The following NAV1 variants were observed in gnomAD, a reference collection of about 807,000 sequenced individuals.
NAV1 encodes pore membrane and/or filament interacting like protein 3.
A neutral mutation model predicts 175.2 loss-of-function variants in NAV1; 18 were observed. The observed-to-expected ratio is 0.10, with a 90% CI of 0.07 to 0.15. The LOEUF (loss-of-function observed/expected upper bound fraction) is 0.15. Among genes scored for constraint, NAV1 ranks in the 10% least tolerant of loss-of-function variants. The pLI is 1.00. For missense variants in NAV1, 1,731 were observed against 2,436.6 expected (o/e 0.71, Z 6.10); for synonymous variants, 897 against 978.7 (o/e 0.92, Z 1.56).
intron 2 of NAV1, among the ~76,000 whole-genome samples, chr1:201,613,170 G>T (rs1372755924): frequency 6.6e-6 from 1 of 152,056 alleles, no homozygotes; most frequent in Non-Finnish European, 1.5e-5. Flanking sequence ...GTACTCAGGA[G>T]TGCCTCAATT....
At chr1:201,797,069 C>G (rs1400099901) in intron 15 of NAV1, 1 of 152,108 alleles carries the variant, frequency 6.6e-6, no homozygotes, top group Non-Finnish European at 1.5e-5. Flanking sequence ...ATTGCCTAAT[C>G]CAGGGTCATG....
intron 2 of NAV1, among the ~76,000 whole-genome samples, chr1:201,597,860 G>T (rs1667401270): frequency 1.3e-5 from 2 of 152,222 alleles, no homozygotes; most frequent in African/African-American, 4.8e-5. Flanking sequence ...CCCCTGTGAG[G>T]TGTGCCATCT....
intron 1 of NAV1, among the ~76,000 whole-genome samples, chr1:201,579,047 C>T (rs576214905): frequency 6.6e-6 from 1 of 151,886 alleles, no homozygotes; most frequent in South Asian, 2.1e-4. Flanking sequence ...GCAGCAGAAT[C>T]GCTCGAACCT....
intron 2 of NAV1, among the ~76,000 whole-genome samples, chr1:201,596,490 T>C (rs907429769): frequency 6.6e-6 from 1 of 152,246 alleles, no homozygotes; most frequent in East Asian, 1.9e-4. Flanking sequence ...GCTCATGGGC[T>C]GGACTTTCAA....
intron 2 of NAV1, among the ~76,000 whole-genome samples, chr1:201,612,258 G>A (rs761345387): frequency 6.6e-6 from 1 of 152,068 alleles, no homozygotes; most frequent in South Asian, 2.1e-4. Flanking sequence ...AGACCAGCCT[G>A]GTCAATATAG....
chr1:201,591,658 C>T (rs11578716), intron 2 of NAV1, among the ~76,000 whole-genome samples: 12,211 of 152,212 alleles, frequency 0.08, 639 homozygotes, highest in East Asian at 0.23. Flanking sequence ...ATCGCTCCAC[C>T]CTGGGCCCCA....
intron 1 of NAV1, among the ~76,000 whole-genome samples, chr1:201,564,764 G>T (rs1249076912): frequency 1.3e-5 from 2 of 152,236 alleles, no homozygotes; most frequent in Non-Finnish European, 2.9e-5. Flanking sequence ...ATTCCAAAGT[G>T]TCAGCAGGGC....
rs748085015 is a variant in NAV1, at chr1:201,788,621, G to A, written c.3149G>A (p.Arg1050Gln). 41 of 1,612,992 alleles carry A rather than the reference G, an allele frequency of 2.5e-5. No homozygotes were observed. The highest frequency in any genetic ancestry group is 3.3e-5 in the Non-Finnish European group (39 of 1,179,514). ...GGAATGATTCGGTCAGGATCCTTCC[G>A]AGACCCCACGGACGATGGTGAGACT... The change falls in exon 10 of 30, where the codon CGA becomes CAA. Residue 1050 changes from arginine (R) to glutamine (Q), a missense_variant. By Grantham distance (43) the Arg-to-Gln change is conservative. This residue lies in a region of NAV1 where 85 missense variants were observed against 168.7 expected (regional missense o/e 0.50). Coordinates refer to ENST00000367296, the Ensembl canonical transcript of NAV1. This position sits in a 1 kb window ranked among gnomAD's most constrained non-coding sequence, Gnocchi z 5.7.
chr1:201,567,030 G>A (rs1278937108), intron 1 of NAV1, among the ~76,000 whole-genome samples: 1 of 152,084 alleles, frequency 6.6e-6, no homozygotes, highest in East Asian at 1.9e-4. Flanking sequence ...TCCTTAGGCG[G>A]TGTTTTGGAA....
chr1:201,707,075 G>A (rs1441985154), intron 1 of NAV1, among the ~76,000 whole-genome samples: 1 of 152,164 alleles, frequency 6.6e-6, no homozygotes, highest in Non-Finnish European at 1.5e-5. Context: ...CCTCACAGCA[G>A]TGAGAGAGTG....
chr1:201,682,285 CA>C (rs879936537), intron 1 of NAV1, among the ~76,000 whole-genome samples: 71 of 143,964 alleles, frequency 4.9e-4, no homozygotes, highest in Middle Eastern at 3.5e-3. Context: ...GACTCCATCT[CA>C]AAAAAAAAAA....
chr1:201,755,222 T>G (rs192037579), intron 3 of NAV1, among the ~76,000 whole-genome samples: 1 of 152,362 alleles, frequency 6.6e-6, no homozygotes, highest in African/African-American at 2.4e-5. Flanking sequence ...ATTTAAAAAC[T>G]TAAGATATTA....
At chr1:201,620,028 C>T (rs1668113445), upstream of NAV1, among the ~76,000 whole-genome samples, 1 of 152,186 alleles carries the variant, frequency 6.6e-6, no homozygotes, top group African/African-American at 2.4e-5. Context: ...TCATTTATTG[C>T]AGAGCAATCC....
At chr1:201,777,937 AAG>A (rs901589563) in intron 3 of NAV1, among the ~76,000 whole-genome samples, 3 of 151,788 alleles carry the variant, frequency 2.0e-5, no homozygotes, top group African/African-American at 7.2e-5. Flanking sequence ...GAAAGAAAGA[AAG>A]AGAGAGAGAG....
chr1:201,645,304 A>AAAAACC (rs1274351459), upstream of NAV1, among the ~76,000 whole-genome samples: 1 of 151,026 alleles, frequency 6.6e-6, no homozygotes, highest in East Asian at 2.0e-4. Context: ...CGCAAGGACA[A>AAAAACC]AAAACCAAAC....
At chr1:201,763,666 T>C (rs1675004742) in intron 3 of NAV1, among the ~76,000 whole-genome samples, 1 of 152,234 alleles carries the variant, frequency 6.6e-6, no homozygotes, top group Non-Finnish European at 1.5e-5. Flanking sequence ...TCTTTCTTCT[T>C]GCTCTGGCCC....
At chr1:201,618,511 A>C (rs1040986236), upstream of NAV1, among the ~76,000 whole-genome samples, 3 of 151,524 alleles carry the variant, frequency 2.0e-5, no homozygotes, top group African/African-American at 7.3e-5. Flanking sequence ...CCCACCCCCA[A>C]CTCTATCTCT....
In NAV1 at chr1:201,782,718, C is replaced by G. The variant is rs760323762; in HGVS notation, c.2206C>G (p.Arg736Gly). The change falls in exon 6 of 30, where the codon CGG (arginine) becomes GGG (glycine). Residue 736 changes from arginine (R) to glycine (G), a missense_variant. Arg to Gly is a moderately radical substitution (Grantham distance 125). This residue lies in a region of NAV1 where 634 missense variants were observed against 766.8 expected (regional missense o/e 0.83). Transcript: ENST00000367296. The surrounding 1 kb of genome is among the most constrained non-coding windows in gnomAD (Gnocchi z 5.4). ...TCCAGCCCCTGTCAATCAGACAGATCGGGAAAAGGAGAAGGCCAAAGCCAA... is the reference window on the plus strand; with the variant it reads ...TCCAGCCCCTGTCAATCAGACAGATGGGGAAAAGGAGAAGGCCAAAGCCAA... 2 of 1,614,124 alleles carry G rather than the reference C, an allele frequency of 1.2e-6. No homozygotes were observed. The highest frequency in any genetic ancestry group is 1.7e-6 in the Non-Finnish European group (2 of 1,180,016).
upstream of NAV1, among the ~76,000 whole-genome samples, chr1:201,622,662 A>G (rs1366116180): frequency 6.6e-6 from 1 of 152,180 alleles, no homozygotes; most frequent in African/African-American, 2.4e-5. Flanking sequence ...TTTTCAGAGC[A>G]GAGAGGGAAA....
Sources: gnomAD v4.1 joint callset for allele counts (sites outside exome capture counted in the v4.1 genomes callset) on GRCh38, gnomAD v4.1.1 for gene constraint, gnomAD v4.1.1 regional missense constraint, Gnocchi (gnomAD v3.1) non-coding constraint, MANE v1.5 for transcripts, NCBI Gene and HGNC (gene_info 2026-07-23, HGNC 2026-07-21) for gene names.